RAB3C: variants seen among roughly 807,000 people sequenced by gnomAD.
The protein encoded by RAB3C is RAB3C, member RAS oncogene family, also known as ras-related protein Rab-3C.
Under a neutral mutation model 26.4 loss-of-function variants are expected in RAB3C, and 17 were observed. That is an observed-to-expected ratio of 0.64 (90% confidence interval 0.44 to 0.97). The LOEUF (loss-of-function observed/expected upper bound fraction) is 0.97, where lower values mean the gene tolerates loss of function less well. Ranked by LOEUF, RAB3C falls within the 50% of genes least tolerant of loss-of-function variation. The pLI, the probability that RAB3C is intolerant of heterozygous loss-of-function variation, is 0.00. For missense variants in RAB3C, 242 were observed against 281.9 expected (o/e 0.86, Z 1.01); for synonymous variants, 91 against 95.9 (o/e 0.95, Z 0.30).
At chr5:58,823,114 G>T (rs1743381023) in intron 3 of RAB3C, 1 of 455,868 alleles carries the variant, frequency 2.2e-6, no homozygotes, top group African/African-American at 2.0e-5. Flanking sequence ...TCATGGGTCA[G>T]AATGATGCAG....
At chr5:58,648,851 T>G (rs1009184361) in intron 2 of RAB3C, among the ~76,000 whole-genome samples, 1 of 152,142 alleles carries the variant, frequency 6.6e-6, no homozygotes, top group Non-Finnish European at 1.5e-5. Flanking sequence ...GATTTTCTCC[T>G]GGGGGACAGT....
At chr5:58,834,182 A>G (rs905860921) in intron 4 of RAB3C, among the ~76,000 whole-genome samples, 1 of 152,208 alleles carries the variant, frequency 6.6e-6, no homozygotes, top group African/African-American at 2.4e-5. Flanking sequence ...ATTTCAGCCT[A>G]TCGTTACAGT....
At chr5:58,783,274 C>A (rs763089404) in intron 3 of RAB3C, among the ~76,000 whole-genome samples, 1 of 152,212 alleles carries the variant, frequency 6.6e-6, no homozygotes, top group African/African-American at 2.4e-5. Flanking sequence ...TAAAAGATAT[C>A]TTTACATCAA....
At chr5:58,585,396 T>A (rs574330831) in intron 1 of RAB3C, among the ~76,000 whole-genome samples, 1 of 152,174 alleles carries the variant, frequency 6.6e-6, no homozygotes, top group South Asian at 2.1e-4. Flanking sequence ...TAATTGACTT[T>A]TTTTTTCATT....
intron 3 of RAB3C, among the ~76,000 whole-genome samples, chr5:58,810,760 C>A (rs1261793130): frequency 6.6e-6 from 1 of 152,144 alleles, no homozygotes; most frequent in Non-Finnish European, 1.5e-5. Flanking sequence ...CCATGCCCAG[C>A]TATTTTTTGT....
chr5:58,599,402 C>CCTGA (rs1746401443), intron 1 of RAB3C, among the ~76,000 whole-genome samples: 1 of 152,118 alleles, frequency 6.6e-6, no homozygotes, highest in Non-Finnish European at 1.5e-5. Context: ...TCCTGAGCTT[C>CCTGA]AGGACCATAT....
chr5:58,729,885 A>G (rs576422592), intron 3 of RAB3C, among the ~76,000 whole-genome samples: 1 of 146,858 alleles, frequency 6.8e-6, no homozygotes, highest in East Asian at 2.0e-4. Context: ...ATATATACAC[A>G]TATACATATA....
intron 2 of RAB3C, among the ~76,000 whole-genome samples, chr5:58,698,996 G>T (rs1478603049): frequency 6.6e-6 from 1 of 152,166 alleles, no homozygotes; most frequent in Non-Finnish European, 1.5e-5. Flanking sequence ...TCCTTTGGAG[G>T]AGAAGAGGCG....
Position 58,847,045 on chromosome 5 carries a change from T to G in RAB3C, c.497-4119T>G, listed in dbSNP as rs1744020652. Reference sequence around the variant, plus strand: ...GATGTGCTGGACCACAGTGCAAAGCTCATGCATCTCACGAACAGTGCCGCC... The same window carrying G: ...GATGTGCTGGACCACAGTGCAAAGCGCATGCATCTCACGAACAGTGCCGCC... On this transcript the variant is annotated intron_variant, in intron 4 of 4. Transcript: ENST00000282878. The G allele has an allele frequency of 1.3e-5, 2 of 151,948 alleles. 1 individual carries two copies. Among genetic ancestry groups the G allele is most frequent in the Admixed American group, 1.3e-4 (2 of 15,250 alleles). The allele number at this position is 151,948 out of a possible 1,614,324, so 9.4% of individuals were successfully genotyped here. A position where few individuals can be genotyped will look rare whatever the true frequency, so the allele number is the denominator to read the frequency against.
At chr5:58,675,759 G>C (rs1310553635) in intron 2 of RAB3C, among the ~76,000 whole-genome samples, 1 of 151,356 alleles carries the variant, frequency 6.6e-6, no homozygotes, top group Non-Finnish European at 1.5e-5. Context: ...TATTAAAAAT[G>C]TTTCTCATGG....
intron 2 of RAB3C, among the ~76,000 whole-genome samples, chr5:58,629,466 T>C (rs531294974): frequency 1.1e-4 from 16 of 152,348 alleles, no homozygotes; most frequent in African/African-American, 3.8e-4. Flanking sequence ...CCAAGAGTTT[T>C]TAAGCTTCCT....
intron 4 of RAB3C, among the ~76,000 whole-genome samples, chr5:58,840,951 G>A (rs1743861615): frequency 6.6e-6 from 1 of 152,226 alleles, no homozygotes; most frequent in South Asian, 2.1e-4. Context: ...GTGCCTGCCA[G>A]GAGTGGTCCG....
chr5:58,731,086 C>T (rs987702767), intron 3 of RAB3C, among the ~76,000 whole-genome samples: 2 of 152,066 alleles, frequency 1.3e-5, no homozygotes, highest in Non-Finnish European at 2.9e-5. Flanking sequence ...CCTCCCATGA[C>T]ACGTGGGAAT....
chr5:58,658,085 G>A (rs1747819900), intron 2 of RAB3C, among the ~76,000 whole-genome samples: 1 of 152,062 alleles, frequency 6.6e-6, no homozygotes, highest in Non-Finnish European at 1.5e-5. Flanking sequence ...AGAAAGTTTG[G>A]GAAGAATAAA....
chr5:58,736,397 T>C (rs1741135904), intron 3 of RAB3C, among the ~76,000 whole-genome samples: 1 of 152,222 alleles, frequency 6.6e-6, no homozygotes, highest in Non-Finnish European at 1.5e-5. Context: ...TTTGCATACT[T>C]GACCTCACCA....
chr5:58,663,258 C>A (rs558833182), intron 2 of RAB3C, among the ~76,000 whole-genome samples: 31 of 149,306 alleles, frequency 2.1e-4, no homozygotes, highest in Middle Eastern at 6.8e-3. Flanking sequence ...TTAATTTTTG[C>A]TTTTATCTGT....
chr5:58,710,535 G>A (rs2111894922), intron 2 of RAB3C, among the ~76,000 whole-genome samples: 1 of 151,760 alleles, frequency 6.6e-6, no homozygotes, highest in Middle Eastern at 3.4e-3. Context: ...GGAGGCGGAG[G>A]TTGCAGTGAG....
intron 3 of RAB3C, among the ~76,000 whole-genome samples, chr5:58,786,888 G>C (rs1441404111): frequency 6.6e-6 from 1 of 151,532 alleles, no homozygotes; most frequent in Non-Finnish European, 1.5e-5. Flanking sequence ...TACATGTGCC[G>C]CATCTGCCCA....
At chr5:58,612,518 G>GTGTGTGTGTATATATATA (rs1242197761) in intron 1 of RAB3C, among the ~76,000 whole-genome samples, 7 of 40,582 alleles carry the variant, frequency 1.7e-4, no homozygotes, top group East Asian at 1.1e-3. Context: ...GTGTGTGTGT[G>GTGTGTGTGTATATATATA]TGTATATATA....
Sources: allele counts gnomAD v4.1 joint callset (sites outside exome capture counted in the v4.1 genomes callset), GRCh38; gene constraint gnomAD v4.1.1; transcripts MANE v1.5; gene names NCBI Gene and HGNC (gene_info 2026-07-23, HGNC 2026-07-21).